The following DLC1 variants were observed in gnomAD, a reference collection of about 807,000 sequenced individuals.
The protein encoded by DLC1 is DLC1 Rho GTPase activating protein, also known as rho GTPase-activating protein 7.
In DLC1, 54 loss-of-function variants were observed where a neutral mutation model predicts 140.3. The observed-to-expected ratio is 0.38, with a 90% CI of 0.31 to 0.48. The LOEUF is 0.48. DLC1 is among the 20% of genes least tolerant of loss of function. The probability of loss-of-function intolerance (pLI) is 0.96; values close to 1 mark genes in which losing one functional copy is unlikely to be tolerated. For synonymous variants in DLC1, 986 were observed against 728.1 expected (o/e 1.35, Z -5.70); for missense variants, 2,536 against 1,907.0 (o/e 1.33, Z -6.14).
intron 4 of DLC1, among the ~76,000 whole-genome samples, chr8:13,382,507 A>AC (rs1836318757): frequency 1.1e-5 from 1 of 93,142 alleles, no homozygotes; most frequent in Non-Finnish European, 2.3e-5. Flanking sequence ...CTCCGTCTCA[A>AC]AAAAAAAAAA....
chr8:13,154,446 A>C (rs553785520), intron 5 of DLC1, among the ~76,000 whole-genome samples: 1 of 152,344 alleles, frequency 6.6e-6, no homozygotes, highest in East Asian at 1.9e-4. Flanking sequence ...CTGCGTGCTA[A>C]GCCCCTTACT....
intron 5 of DLC1, among the ~76,000 whole-genome samples, chr8:13,175,324 G>A (rs1332594899): frequency 6.8e-6 from 1 of 147,562 alleles, no homozygotes; most frequent in Non-Finnish European, 1.5e-5. Flanking sequence ...TTTTTGCTTA[G>A]GATTATTTTT....
At position 13,147,912 on chromosome 8, in the gene DLC1, C is replaced by T. The variant is rs557014678; in HGVS notation, c.1349-32255G>A. On this transcript the variant is annotated intron_variant, in intron 5 of 17. Coordinates refer to ENST00000276297, the MANE Select transcript of DLC1 (RefSeq NM_182643.3). ...CTGAGGCAGGAGAATGGCTTGAACCCGGGAGGCGGAGGTTGCAGTGGCAGA... is the reference window on the plus strand; with the variant it reads ...CTGAGGCAGGAGAATGGCTTGAACCTGGGAGGCGGAGGTTGCAGTGGCAGA... 5.9e-5 allele frequency among the ~76,000 whole-genome samples: 9 copies of T among 152,116 alleles called. No individual in the cohort carries two copies. In the East Asian group the frequency reaches 7.7e-4, roughly 13 times the overall value.
intron 3 of DLC1, among the ~76,000 whole-genome samples, chr8:13,400,478 A>G (rs1837245328): frequency 6.6e-6 from 1 of 152,170 alleles, no homozygotes. Flanking sequence ...ATTCCACTGT[A>G]TTATTTTGCC....
intron 5 of DLC1, among the ~76,000 whole-genome samples, chr8:13,283,147 C>T (rs573874546): frequency 3.3e-5 from 5 of 152,214 alleles, no homozygotes; most frequent in African/African-American, 9.6e-5. Flanking sequence ...GTTAACATAA[C>T]TTGTTGATTA....
chr8:13,197,205 A>C (rs1401864598), intron 5 of DLC1, among the ~76,000 whole-genome samples: 2 of 152,246 alleles, frequency 1.3e-5, no homozygotes, highest in East Asian at 3.8e-4. Flanking sequence ...AATGTTCAAG[A>C]AATCTTAAAA....
At chr8:13,429,550 T>C (rs1159338747) in intron 2 of DLC1, among the ~76,000 whole-genome samples, 1 of 152,246 alleles carries the variant, frequency 6.6e-6, no homozygotes, top group Non-Finnish European at 1.5e-5. Context: ...ACTGTCATCA[T>C]GCAGCAGCAA....
At chr8:13,178,220 A>G (rs1825854533) in intron 5 of DLC1, among the ~76,000 whole-genome samples, 1 of 152,164 alleles carries the variant, frequency 6.6e-6, no homozygotes, top group Non-Finnish European at 1.5e-5. Flanking sequence ...GGGGATGGCC[A>G]AAGTCTTCAT....
At chr8:13,265,606 A>G (rs182894073) in intron 5 of DLC1, among the ~76,000 whole-genome samples, 7 of 152,200 alleles carry the variant, frequency 4.6e-5, no homozygotes, top group Middle Eastern at 3.4e-3. Flanking sequence ...CCAAGACAGC[A>G]TGAGGCCGTT....
At chr8:13,470,785 G>T (rs923256802) in intron 2 of DLC1, among the ~76,000 whole-genome samples, 1 of 152,106 alleles carries the variant, frequency 6.6e-6, no homozygotes, top group African/African-American at 2.4e-5. Context: ...TATATACAAA[G>T]GAAAGGAAAT....
chr8:13,555,096 G>A (rs982691838), intron 1 of DLC1, among the ~76,000 whole-genome samples: 11 of 152,192 alleles, frequency 7.2e-5, no homozygotes, highest in Admixed American at 5.9e-4. Flanking sequence ...ATAACCTCAT[G>A]ATTCATTCCT....
chr8:13,334,837 A>G (rs555953988), intron 4 of DLC1, among the ~76,000 whole-genome samples: 2 of 152,324 alleles, frequency 1.3e-5, no homozygotes, highest in Non-Finnish European at 2.9e-5. Flanking sequence ...AATCATAGCT[A>G]TTATTTATCA....
chr8:13,600,678 C>G (rs563659290), intron 1 of DLC1, among the ~76,000 whole-genome samples: 1 of 151,874 alleles, frequency 6.6e-6, no homozygotes, highest in East Asian at 1.9e-4. Context: ...TGATGCCTTT[C>G]AAAATCTTGG....
chr8:13,102,668 T>G, intron 8 of DLC1, 122 bp downstream of exon 8: 2 of 854,958 alleles, frequency 2.3e-6, no homozygotes, highest in South Asian at 3.0e-5. Context: ...TCATTCAAGA[T>G]GTAGATGCTT....
At chr8:13,152,752 G>C (rs541009021) in intron 5 of DLC1, among the ~76,000 whole-genome samples, 141 of 133,674 alleles carry the variant, frequency 1.1e-3, no homozygotes, top group Non-Finnish European at 1.9e-3. Context: ...GGGAGGTCAA[G>C]GCTGAAGCAA....
chr8:13,443,602 G>A (rs1254234758), intron 2 of DLC1, among the ~76,000 whole-genome samples: 1 of 144,486 alleles, frequency 6.9e-6, no homozygotes, highest in Non-Finnish European at 1.5e-5. Context: ...AGCTTGCAGT[G>A]AGCCAAGATC....
chr8:13,307,502 C>G (rs1170110535), intron 4 of DLC1, among the ~76,000 whole-genome samples: 1 of 152,152 alleles, frequency 6.6e-6, no homozygotes, highest in Non-Finnish European at 1.5e-5. Flanking sequence ...AGAATTAAAT[C>G]CAAACTATGT....
chr8:13,090,467 G>A lies in DLC1; in HGVS notation c.3859C>T (p.Pro1287Ser), dbSNP rs775033474. The A allele has an allele frequency of 1.1e-5, 18 of 1,613,634 alleles. No individual in the cohort carries two copies. The highest frequency in any genetic ancestry group is 1.4e-5 in the Non-Finnish European group (17 of 1,180,028). ...IAECKKLFQV[P>S]EEMSRCRNSY... is the part of the protein sequence containing the mutation. ...TTACGACATCGGCTCATTTCCTCGG[G>A]AACCTGTGCGGAACATGACAGACAG... Residue 1287 changes from proline (P) to serine (S), a missense_variant, in exon 15 of 18, where the codon CCC becomes TCC. Physicochemically the swap from Pro to Ser is moderately conservative, Grantham distance 74. Transcript: ENST00000276297.
chr8:13,416,218 A>G (rs921785191), intron 2 of DLC1, among the ~76,000 whole-genome samples: 2 of 152,286 alleles, frequency 1.3e-5, no homozygotes, highest in Non-Finnish European at 1.5e-5. Context: ...TCATGTGTAT[A>G]AAATTTGCTC....
Sources: allele counts gnomAD v4.1 joint callset (sites outside exome capture counted in the v4.1 genomes callset), GRCh38; gene constraint gnomAD v4.1.1; transcripts MANE v1.5; gene names NCBI Gene and HGNC (gene_info 2026-07-23, HGNC 2026-07-21).